TANC1: variants seen among roughly 807,000 people sequenced by gnomAD.
TANC1 encodes tetratricopeptide repeat, ankyrin repeat and coiled-coil containing 1, also known as protein TANC1.
TANC1 carries 77 observed loss-of-function variants against 149.7 expected under a neutral mutation model. The observed-to-expected ratio is 0.51, with a 90% confidence interval of 0.43 to 0.62. TANC1 has a LOEUF of 0.62. Ranked by LOEUF, TANC1 falls within the 20% of genes least tolerant of loss-of-function variation. TANC1 has a pLI of 0.00. For synonymous variants in TANC1, 854 were observed against 925.0 expected, an observed-to-expected ratio of 0.92 and a Z score of 1.39; for missense variants, 1,985 against 2,321.8, an observed-to-expected ratio of 0.85 and a Z score of 2.98.
intron 16 of TANC1, among the ~76,000 whole-genome samples, chr2:159,192,446 G>A (rs2057517782): frequency 6.6e-6 from 1 of 152,028 alleles, no homozygotes. Context: ...ACTGCACCCA[G>A]CCACAATTAT....
chr2:159,110,931 A>G (rs2150021687), intron 4 of TANC1, among the ~76,000 whole-genome samples: 1 of 152,354 alleles, frequency 6.6e-6, no homozygotes. Flanking sequence ...CCCTGGGAAT[A>G]GGACATGAAA....
At chr2:159,208,345 T>C (rs1479487325) in intron 19 of TANC1, among the ~76,000 whole-genome samples, 1 of 152,196 alleles carries the variant, frequency 6.6e-6, no homozygotes, top group African/African-American at 2.4e-5. Context: ...AAGTGAAGGA[T>C]GGAAAAGAAA....
intron 3 of TANC1, among the ~76,000 whole-genome samples, chr2:159,080,200 G>A (rs1440132913): frequency 6.6e-6 from 1 of 152,208 alleles, no homozygotes; most frequent in Non-Finnish European, 1.5e-5. Flanking sequence ...AGCCTGGGGA[G>A]GGTGTTACCC....
chr2:159,217,135 G>A (rs892793589), intron 19 of TANC1, among the ~76,000 whole-genome samples: 1 of 152,152 alleles, frequency 6.6e-6, no homozygotes, highest in African/African-American at 2.4e-5. Context: ...TGGCTGGCTG[G>A]TGCTGGCTGT....
At chr2:158,972,508 C>T (rs1027019169) in intron 1 of TANC1, among the ~76,000 whole-genome samples, 1 of 152,142 alleles carries the variant, frequency 6.6e-6, no homozygotes, top group Non-Finnish European at 1.5e-5. Context: ...TGTGCTTTGT[C>T]CTGCTTGCCT....
chr2:159,108,877 G>C (rs890622), intron 4 of TANC1, among the ~76,000 whole-genome samples: 13,677 of 152,140 alleles, frequency 0.09, 846 homozygotes, highest in Admixed American at 0.17. Context: ...CATTATTAGG[G>C]TCTGGAGCAC....
At chr2:159,037,718 C>T (rs2040310087) in intron 2 of TANC1, among the ~76,000 whole-genome samples, 1 of 152,166 alleles carries the variant, frequency 6.6e-6, no homozygotes, top group African/African-American at 2.4e-5. Context: ...GTCTATCTCT[C>T]TGTTTTGGTA....
At chr2:159,152,758 A>G (rs2052988502) in intron 7 of TANC1, among the ~76,000 whole-genome samples, 1 of 152,224 alleles carries the variant, frequency 6.6e-6, no homozygotes, top group South Asian at 2.1e-4. Context: ...TACTGTGATT[A>G]CAGGCATGAG....
intron 8 of TANC1, among the ~76,000 whole-genome samples, chr2:159,168,778 G>A (rs13417560): frequency 0.21 from 31,531 of 151,904 alleles, 3,627 homozygotes; most frequent in Middle Eastern, 0.31. Context: ...TTACTACTGA[G>A]CCAACTTTTA....
At position 158,981,035 on chromosome 2, in the gene TANC1, T is replaced by C. The variant is rs564901796; in HGVS notation, c.-126+12253T>C. On this transcript the variant is annotated intron_variant, in intron 1 of 26. Coordinates refer to ENST00000263635, the MANE Select transcript of TANC1 (RefSeq NM_033394.3). ...ATTGTTTCCTGTATTTCCTATAAAC[T>C]GGAGGCTAGGTCTAAAAGCAAGATT... Among the ~76,000 whole-genome samples the C allele has an allele frequency of 2.0e-5, 3 of 152,300 alleles. No homozygotes were observed. The South Asian group carries it at 6.2e-4, about 32-fold the overall frequency.
At chr2:159,014,692 G>A (rs1204206895) in intron 2 of TANC1, among the ~76,000 whole-genome samples, 3 of 152,180 alleles carry the variant, frequency 2.0e-5, no homozygotes, top group South Asian at 2.1e-4. Flanking sequence ...TAGATACAAA[G>A]GGGGTACTGA....
At position 159,205,961 on chromosome 2, in the gene TANC1, C is replaced by T. The variant is rs552862002; in HGVS notation, c.3244+6908C>T. ...TGAAGATACTGGATTTTTCAGAGGT[C>T]CTGAGCATCTCACCAGTACTGGTTT... On this transcript the variant is annotated intron_variant, in intron 19 of 26. Transcript: ENST00000263635. Among the ~76,000 whole-genome samples, 2 of 152,296 alleles carry T rather than the reference C, an allele frequency of 1.3e-5. 1 individual carries two copies. The highest frequency in any genetic ancestry group is 4.8e-5 in the African/African-American group (2 of 41,560).
intron 2 of TANC1, among the ~76,000 whole-genome samples, chr2:159,020,423 G>T (rs374589500): frequency 4.6e-5 from 7 of 152,152 alleles, no homozygotes; most frequent in African/African-American, 1.7e-4. Flanking sequence ...ACTGCACCTG[G>T]CCTTAGAATA....
chr2:159,113,844 T>G (rs911073097), intron 4 of TANC1, among the ~76,000 whole-genome samples: 13 of 152,184 alleles, frequency 8.5e-5, no homozygotes, highest in African/African-American at 2.9e-4. Context: ...AAAAATTTTT[T>G]GAACAAAAAA....
chr2:159,028,239 G>A (rs1240908087), intron 2 of TANC1, among the ~76,000 whole-genome samples: 2 of 151,758 alleles, frequency 1.3e-5, no homozygotes, highest in East Asian at 3.9e-4. Flanking sequence ...TCCTGCCTTA[G>A]CATCCCAAGT....
intron 5 of TANC1, among the ~76,000 whole-genome samples, chr2:159,143,549 C>A: frequency 1.6e-5 from 1 of 61,562 alleles, no homozygotes. Context: ...AAGACCCCAT[C>A]TCAAAAAAAA....
intron 2 of TANC1, among the ~76,000 whole-genome samples, chr2:159,062,801 A>T (rs2149673682): frequency 6.7e-6 from 1 of 150,204 alleles, no homozygotes; most frequent in East Asian, 2.0e-4. Flanking sequence ...CCCCGTCTCT[A>T]CTAAAAATAC....
Position 159,178,718 on chromosome 2 carries a change from A to G in TANC1, c.2065A>G (p.Ile689Val), listed in dbSNP as rs1159546668. 1 of 1,614,188 alleles carries G rather than the reference A, an allele frequency of 6.2e-7. No individual in the cohort carries two copies. The highest frequency in any genetic ancestry group is 2.2e-5 in the East Asian group (1 of 44,862). ...GAATGGCAAGGCCGATGCCACACTC[A>G]TTGGAAAAGTGAGCAGCCACCTGGT... Reference protein sequence around the residue: ...SLNGKADATLIGKVSSHLVLR... With the variant: ...SLNGKADATLVGKVSSHLVLR... The change falls in exon 14 of 27, where the codon ATT (isoleucine) becomes GTT (valine). Residue 689 changes from isoleucine (I) to valine (V), a missense_variant. Coordinates refer to ENST00000263635, the MANE Select transcript of TANC1 (RefSeq NM_033394.3).
intron 2 of TANC1, among the ~76,000 whole-genome samples, chr2:159,014,321 A>C (rs1248802650): frequency 6.6e-6 from 1 of 152,150 alleles, no homozygotes; most frequent in Non-Finnish European, 1.5e-5. Flanking sequence ...GGAAACCCCT[A>C]ATAAAATGAT....
Sources: gnomAD v4.1 joint callset for allele counts (sites outside exome capture counted in the v4.1 genomes callset) on GRCh38, gnomAD v4.1.1 for gene constraint, MANE v1.5 for transcripts, NCBI Gene and HGNC (gene_info 2026-07-23, HGNC 2026-07-21) for gene names.